Variants in CACNB2 observed in about 807,000 individuals in gnomAD.
CACNB2 encodes voltage-dependent L-type calcium channel subunit beta-2.
Under a neutral mutation model 73.3 loss-of-function variants are expected in CACNB2, and 42 were observed. The ratio of observed to expected loss-of-function variants is 0.57; its 90% CI spans 0.45 to 0.74. CACNB2 has a LOEUF of 0.74. Among genes scored for constraint, CACNB2 ranks in the 30% least tolerant of loss-of-function variants. The probability of loss-of-function intolerance (pLI) is 0.00; values close to 1 mark genes in which losing one functional copy is unlikely to be tolerated. For missense variants in CACNB2, 940 were observed against 853.0 expected, an observed-to-expected ratio of 1.10 and a Z score of -1.27; for synonymous variants, 348 against 310.3, an observed-to-expected ratio of 1.12 and a Z score of -1.28.
chr10:18,142,189 T>C (rs1479154447), intron 1 of CACNB2, among the ~76,000 whole-genome samples: 1 of 152,224 alleles, frequency 6.6e-6, no homozygotes, highest in Admixed American at 6.5e-5. Flanking sequence ...CATTGGGAAA[T>C]TAATGTGCTA....
chr10:18,384,852 C>T (rs897582722), intron 2 of CACNB2, among the ~76,000 whole-genome samples: 2 of 151,928 alleles, frequency 1.3e-5, no homozygotes, highest in African/African-American at 4.8e-5. Flanking sequence ...AGGTTAAGTC[C>T]CTCCCATCTC....
Position 18,150,877 on chromosome 10 carries a change from T to TTTTTTG in CACNB2, c.121-3_121-2insTTGTTT. On this transcript the variant is annotated splice_polypyrimidine_tract_variant and splice_region_variant and intron_variant, in intron 1 of 13. Transcript: ENST00000324631. ...TGTCTTTTTTTTTTTTTTTTTTTTTTTTTAGTCATATGGAAAAGGAGCCAG... is the reference window on the plus strand; with the variant it reads ...TGTCTTTTTTTTTTTTTTTTTTTTTTTTTTTGTTTAGTCATATGGAAAAGGAGCCAG... The TTTTTTG allele has an allele frequency of 7.4e-7, 1 of 1,342,614 alleles. No individual in the cohort carries two copies. Among genetic ancestry groups the TTTTTTG allele is most frequent in the Non-Finnish European group, 1.0e-6 (1 of 978,416 alleles). 83.2% of individuals were successfully genotyped at this position (1,342,614 alleles called of 1,614,324 possible). A position where few individuals can be genotyped will look rare whatever the true frequency, so the allele number is the denominator to read the frequency against.
At chr10:18,418,580 G>A (rs1184129139) in intron 3 of CACNB2, among the ~76,000 whole-genome samples, 1 of 152,154 alleles carries the variant, frequency 6.6e-6, no homozygotes. Context: ...ACTGAGTCTT[G>A]GCCAATCCCA....
At chr10:18,194,444 G>A (rs1314076015) in intron 2 of CACNB2, among the ~76,000 whole-genome samples, 1 of 152,104 alleles carries the variant, frequency 6.6e-6, no homozygotes, top group African/African-American at 2.4e-5. Context: ...CTTCTAGAAG[G>A]GGCTTCTAGA....
chr10:18,514,355 C>A lies in CACNB2; in HGVS notation c.790C>A (p.Pro264Thr), dbSNP rs1330388266. 10 of 1,613,978 alleles carry A rather than the reference C, an allele frequency of 6.2e-6. No individual in the cohort carries two copies. The highest frequency in any genetic ancestry group is 8.5e-6 in the Non-Finnish European group (10 of 1,180,006). Residue 264 changes from proline to threonine, a missense_variant, in exon 7 of 14, where the codon CCC becomes ACC. Physicochemically the swap from Pro to Thr is conservative, Grantham distance 38. Coordinates refer to ENST00000324631, the MANE Select transcript of CACNB2 (RefSeq NM_201596.3). ...TSPHSKEKRMPFFKKTEHTPP... is the reference protein window; with the variant it reads ...TSPHSKEKRMTFFKKTEHTPP... Reference sequence around the variant, plus strand: ...ACCCCACTCCAAAGAGAAAAGAATGCCCTTCTTTAAGAAGGTAACATTAAC... The same window carrying A: ...ACCCCACTCCAAAGAGAAAAGAATGACCTTCTTTAAGAAGGTAACATTAAC...
intron 2 of CACNB2, among the ~76,000 whole-genome samples, chr10:18,380,452 C>CTTTTTTTTTTTTTT (rs757792853): frequency 2.7e-5 from 3 of 111,022 alleles, no homozygotes; most frequent in Non-Finnish European, 3.6e-5. Context: ...ATGTGTTTTT[C>CTTTTTTTTTTTTTT]TTTTTTTTTT....
chr10:18,337,349 A>G (rs1291403119), intron 2 of CACNB2, among the ~76,000 whole-genome samples: 2 of 152,096 alleles, frequency 1.3e-5, no homozygotes, highest in Non-Finnish European at 2.9e-5. Context: ...TGATCCGTCC[A>G]TCTCAGCCTC....
At chr10:18,216,282 A>G (rs998512502) in intron 2 of CACNB2, among the ~76,000 whole-genome samples, 3 of 152,148 alleles carry the variant, frequency 2.0e-5, no homozygotes, top group African/African-American at 7.2e-5. Flanking sequence ...GGGCAAAAAG[A>G]GCAAAACTCC....
chr10:18,433,961 G>A (rs1441606715), intron 3 of CACNB2, among the ~76,000 whole-genome samples: 1 of 151,554 alleles, frequency 6.6e-6, no homozygotes, highest in East Asian at 1.9e-4. Context: ...AGAACATACT[G>A]TGCTACAGTA....
intron 3 of CACNB2, among the ~76,000 whole-genome samples, chr10:18,466,686 AC>A (rs2047906772): frequency 6.6e-6 from 1 of 152,206 alleles, no homozygotes; most frequent in Admixed American, 6.5e-5. Flanking sequence ...AGAGATTCAC[AC>A]TTTAATGGGA....
At chr10:18,470,649 T>C (rs1264021972) in intron 3 of CACNB2, among the ~76,000 whole-genome samples, 1 of 152,100 alleles carries the variant, frequency 6.6e-6, no homozygotes, top group South Asian at 2.1e-4. Flanking sequence ...CCCTAAATTA[T>C]ACATGCAGTT....
chr10:18,148,024 T>G (rs1224307558), intron 1 of CACNB2, among the ~76,000 whole-genome samples: 1 of 152,130 alleles, frequency 6.6e-6, no homozygotes, highest in East Asian at 1.9e-4. Context: ...AAATGTTTTT[T>G]TGTTTTCTGA....
intron 9 of CACNB2, among the ~76,000 whole-genome samples, chr10:18,522,877 C>CAA (rs10528720): frequency 1.3e-5 from 1 of 77,828 alleles, no homozygotes; most frequent in Non-Finnish European, 2.4e-5. Context: ...GACTCTGTCT[C>CAA]AAAAAAAAAA....
intron 2 of CACNB2, among the ~76,000 whole-genome samples, chr10:18,262,889 A>G (rs1487590609): frequency 6.6e-6 from 1 of 152,244 alleles, no homozygotes; most frequent in East Asian, 1.9e-4. Flanking sequence ...AAATAGAAAG[A>G]AGAGACAACA....
At chr10:18,454,002 TTTCTGATTGTAC>T (rs1314087196) in intron 3 of CACNB2, among the ~76,000 whole-genome samples, 5 of 152,206 alleles carry the variant, frequency 3.3e-5, no homozygotes, top group African/African-American at 9.6e-5. Flanking sequence ...GTTTCACTTG[TTTCTGATTGTAC>T]TCCCAGGAAC....
At chr10:18,519,061 C>A in intron 9 of CACNB2, 93 bp downstream of exon 9, 1 of 983,826 alleles carries the variant, frequency 1.0e-6, no homozygotes, top group Non-Finnish European at 1.6e-6. Context: ...AGAAAATGGC[C>A]CTCTGATGTC....
intron 2 of CACNB2, among the ~76,000 whole-genome samples, chr10:18,376,530 T>A (rs1589178746): frequency 6.6e-6 from 1 of 152,304 alleles, no homozygotes; most frequent in South Asian, 2.1e-4. Flanking sequence ...AAAGAGAGAA[T>A]TATTTTAGAT....
At position 18,501,026 on chromosome 10, in the gene CACNB2, T is replaced by A. The variant is rs919912252; in HGVS notation, c.593+78T>A. 3 of 1,323,206 alleles carry A rather than the reference T, an allele frequency of 2.3e-6. No individual in the cohort carries two copies. In the African/African-American group the frequency reaches 4.4e-5, roughly 19 times the overall value. 82.0% of individuals were successfully genotyped at this position (1,323,206 alleles called of 1,614,324 possible). On this transcript the variant is annotated intron_variant, in intron 5 of 13. Coordinates refer to ENST00000324631, the MANE Select transcript of CACNB2 (RefSeq NM_201596.3). The stretch of plus-strand genomic sequence containing the variant: ...GTGTACTGTTGTCTGCTGTATTCTG[T>A]ATCCTTTATTATGTATTAACAAGGA...
At chr10:18,251,184 G>C (rs1325035850) in intron 2 of CACNB2, among the ~76,000 whole-genome samples, 1 of 152,016 alleles carries the variant, frequency 6.6e-6, no homozygotes, top group Admixed American at 6.5e-5. Context: ...AGCAAATCTG[G>C]GTTCAAATCC....
Sources: gnomAD v4.1 joint callset for allele counts (sites outside exome capture counted in the v4.1 genomes callset) on GRCh38, gnomAD v4.1.1 for gene constraint, MANE v1.5 for transcripts, NCBI Gene and HGNC (gene_info 2026-07-23, HGNC 2026-07-21) for gene names.